The following DRG1 variants were observed in gnomAD, a reference collection of about 807,000 sequenced individuals.
DRG1 encodes developmentally-regulated GTP-binding protein 1.
A neutral mutation model predicts 38.8 loss-of-function variants in DRG1; 19 were observed. The observed-to-expected ratio is 0.49, with a 90% CI of 0.34 to 0.72. The LOEUF (loss-of-function observed/expected upper bound fraction) is 0.72. Among genes scored for constraint, DRG1 ranks in the 30% least tolerant of loss-of-function variants. DRG1 has a pLI of 0.01. For synonymous variants in DRG1, 167 were observed against 157.5 expected, an observed-to-expected ratio of 1.06 and a Z score of -0.45; for missense variants, 299 against 444.8, an observed-to-expected ratio of 0.67 and a Z score of 2.95.
intron 6 of DRG1, among the ~76,000 whole-genome samples, chr22:31,424,769 T>A (rs2050099157): frequency 1.4e-5 from 2 of 142,372 alleles, no homozygotes; most frequent in Admixed American, 1.5e-4. Flanking sequence ...AGTGCTGGGA[T>A]TACAGGTATG....
chr22:31,401,004 A>T (rs532940203), intron 2 of DRG1, among the ~76,000 whole-genome samples: 1 of 152,132 alleles, frequency 6.6e-6, no homozygotes, highest in African/African-American at 2.4e-5. Context: ...ACTAAAGTAG[A>T]TTTATATTTT....
At chr22:31,420,161 T>G (rs1045631275) in intron 4 of DRG1, 95 bp from the exon 5 acceptor site, 40 of 1,416,114 alleles carry the variant, frequency 2.8e-5, no homozygotes, top group Non-Finnish European at 3.6e-5. Flanking sequence ...CCTTTGACAC[T>G]TAAATGTAGG....
intron 4 of DRG1, among the ~76,000 whole-genome samples, chr22:31,416,030 C>T (rs1019789879): frequency 6.6e-6 from 1 of 152,068 alleles, no homozygotes; most frequent in Non-Finnish European, 1.5e-5. Flanking sequence ...TATAAGAAGT[C>T]AGATCAGTCC....
At position 31,432,429 on chromosome 22, in the gene DRG1, G is replaced by GT. The variant is rs556570663; in HGVS notation, c.1005-1429dup. Among the ~76,000 whole-genome samples the GT allele has an allele frequency of 8.3e-3, 1,132 of 135,678 alleles. 12 individuals are homozygous for GT. Among genetic ancestry groups the GT allele is most frequent in the African/African-American group, 0.02 (757 of 37,128 alleles). 89.0% of individuals were successfully genotyped at this position (135,678 alleles called of 152,430 possible). A position where few individuals can be genotyped will look rare whatever the true frequency, so the allele number is the denominator to read the frequency against. On this transcript the variant is annotated intron_variant, in intron 8 of 8. Transcript: ENST00000331457. The stretch of plus-strand genomic sequence containing the variant: ...CTTTGTGTTTTTTGTGTGTGTGTGT[G>GT]TTTTTTTTTTTTTTGAGACTGAGAG...
chr22:31,419,535 C>T (rs1184107338), intron 4 of DRG1, among the ~76,000 whole-genome samples: 4 of 151,606 alleles, frequency 2.6e-5, no homozygotes, highest in Non-Finnish European at 5.9e-5. Context: ...AATTCTAAAA[C>T]GTGCAAACTA....
intron 6 of DRG1, 110 bp downstream of exon 6, chr22:31,423,520 TGTC>T: frequency 2.1e-5 from 21 of 1,016,282 alleles, no homozygotes; most frequent in Non-Finnish European, 2.5e-5. Context: ...GTTGTCCTAC[TGTC>T]TTTTTTTTTT....
chr22:31,423,856 T>G (rs1446253784), intron 6 of DRG1, among the ~76,000 whole-genome samples: 1 of 131,044 alleles, frequency 7.6e-6, no homozygotes, highest in Non-Finnish European at 1.6e-5. Context: ...ATAGTGGGCT[T>G]TGGTTTCTTT....
chr22:31,426,464 T>C (rs1373700176), intron 6 of DRG1, 151 bp from the exon 7 acceptor site: 2 of 645,850 alleles, frequency 3.1e-6, no homozygotes, highest in East Asian at 2.8e-5. Flanking sequence ...GTTCACTTTT[T>C]CTTTTTCTTT....
At position 31,399,645 on chromosome 22, in the gene DRG1, G is replaced by C. The variant is rs2049949160; in HGVS notation, c.-39G>C. ...GGTGGCAGTTTGCCCGCGGGTGTGT[G>C]AAGGGAGACAGTGTGGAGGCCACAG... On this transcript the variant is annotated 5_prime_UTR_variant, in exon 1 of 9. Transcript: ENST00000331457. The C allele has an allele frequency of 1.9e-6, 3 of 1,614,008 alleles. No individual in the cohort carries two copies.
chr22:31,400,661 A>T lies in DRG1; in HGVS notation c.84A>T (p.Leu28Phe). ...TQKNKATAHH[L>F]GLLKARLAKL... ...AGAACAAGGCCACAGCACACCACTT[A>T]GGGCTGCTTAAGGCTCGTCTTGCTA... Residue 28 changes from leucine (L) to phenylalanine (F), a missense_variant, in exon 2 of 9, where the codon TTA becomes TTT. By Grantham distance (22) the Leu-to-Phe change is conservative (BLOSUM62 0). Coordinates refer to ENST00000331457, the MANE Select transcript of DRG1 (RefSeq NM_004147.4). 6.2e-7 allele frequency: 1 copy of T among 1,613,472 alleles called. No homozygotes were observed. The highest frequency in any genetic ancestry group is 8.5e-7 in the Non-Finnish European group (1 of 1,179,594).
At chr22:31,415,551 G>A (rs1048216444) in intron 4 of DRG1, among the ~76,000 whole-genome samples, 3 of 152,086 alleles carry the variant, frequency 2.0e-5, no homozygotes, top group African/African-American at 4.8e-5. Context: ...TAGTAGAAAC[G>A]GGGTTTCACC....
intron 2 of DRG1, 131 bp downstream of exon 2, chr22:31,400,874 A>AT: frequency 9.3e-7 from 1 of 1,073,394 alleles, no homozygotes; most frequent in Non-Finnish European, 1.3e-6. Context: ...GCATGCTGGG[A>AT]GGCTGAGATA....
intron 8 of DRG1, among the ~76,000 whole-genome samples, chr22:31,431,965 A>T (rs973624130): frequency 4.6e-5 from 7 of 152,222 alleles, no homozygotes; most frequent in African/African-American, 1.7e-4. Context: ...TTTACCAGGG[A>T]ATTAAAAAGG....
chr22:31,416,494 T>A (rs1298079485), intron 4 of DRG1, among the ~76,000 whole-genome samples: 1 of 151,994 alleles, frequency 6.6e-6, no homozygotes, highest in Non-Finnish European at 1.5e-5. Flanking sequence ...TGGCTCACAG[T>A]CTGTAATTCC....
Position 31,427,128 on chromosome 22 carries a change from C to T in DRG1, c.950C>T (p.Thr317Ile), listed in dbSNP as rs764329393. 16 of 1,614,140 alleles carry T rather than the reference C, an allele frequency of 9.9e-6. No homozygotes were observed. Among genetic ancestry groups the T allele is most frequent in the Non-Finnish European group, 1.4e-5 (16 of 1,180,018 alleles). ...GTGGTGCTTCCTTACTCCAGGACCA[C>T]AGTGGAGGATTTCTGCATGAAGATT... is the stretch of plus-strand genomic sequence containing the variant. ...SPVVLPYSRT[T>I]VEDFCMKIHK... Residue 317 changes from threonine (T) to isoleucine (I), a missense_variant, in exon 8 of 9, where the codon ACA becomes ATA. Transcript: ENST00000331457.
chr22:31,426,492 TCTG>T, intron 6 of DRG1, 120 bp from the exon 7 acceptor site: 1 of 767,156 alleles, frequency 1.3e-6, no homozygotes. Context: ...TTCTGGCTGA[TCTG>T]CTACTTACAG....
chr22:31,417,059 G>A (rs1160816218), intron 4 of DRG1, among the ~76,000 whole-genome samples: 2 of 138,576 alleles, frequency 1.4e-5, no homozygotes, highest in African/African-American at 5.0e-5. Flanking sequence ...CAGACACCCT[G>A]TCTCAAAAAA....
chr22:31,433,774 G>T (rs2050155938), intron 8 of DRG1, 98 bp from the exon 9 acceptor site: 1 of 1,007,890 alleles, frequency 9.9e-7, no homozygotes, highest in South Asian at 1.4e-5. Flanking sequence ...GTTCTTAAGG[G>T]TATGATACTA....
At chr22:31,433,136 T>C (rs1185445599) in intron 8 of DRG1, among the ~76,000 whole-genome samples, 1 of 152,102 alleles carries the variant, frequency 6.6e-6, no homozygotes, top group Non-Finnish European at 1.5e-5. Flanking sequence ...GAGGCCCTAA[T>C]TTCTTGTCAG....
Sources: allele counts gnomAD v4.1 joint callset (sites outside exome capture counted in the v4.1 genomes callset), GRCh38; gene constraint gnomAD v4.1.1; transcripts MANE v1.5; gene names NCBI Gene and HGNC (gene_info 2026-07-23, HGNC 2026-07-21).